The following FPGT variants were observed in gnomAD, a reference collection of about 807,000 sequenced individuals.
FPGT encodes the protein fucose-1-phosphate guanylyltransferase, also known as GDP-L-fucose diphosphorylase.
In FPGT, 41 loss-of-function variants were observed where a neutral mutation model predicts 45.8. The ratio of observed to expected loss-of-function variants is 0.90; its 90% confidence interval spans 0.70 to 1.16. The LOEUF (loss-of-function observed/expected upper bound fraction) is 1.16. Ranked by LOEUF, FPGT falls within the 50% of genes most tolerant of loss-of-function variation. FPGT has a pLI of 0.00. For synonymous variants in FPGT, 292 were observed against 247.2 expected (o/e 1.18, Z -1.70); for missense variants, 755 against 689.1 (o/e 1.10, Z -1.07).
At chr1:74,201,466 T>C (rs1342760325) in intron 3 of FPGT, 56 bp downstream of exon 3, 1 of 1,141,382 alleles carries the variant, frequency 8.8e-7, no homozygotes, top group East Asian at 2.5e-5. Context: ...CCTTTAATAC[T>C]TTAGAGACTT....
chr1:74,203,423 CTG>C (rs1316718815), intron 3 of FPGT, among the ~76,000 whole-genome samples: 1 of 150,416 alleles, frequency 6.6e-6, no homozygotes, highest in Non-Finnish European at 1.5e-5. Context: ...GAGTCTGGCT[CTG>C]TCGCCCAGGC....
At chr1:74,202,500 A>C (rs1651887027) in intron 3 of FPGT, among the ~76,000 whole-genome samples, 1 of 152,194 alleles carries the variant, frequency 6.6e-6, no homozygotes, top group Non-Finnish European at 1.5e-5. Context: ...ATGCATAGTT[A>C]GATAATTTTT....
rs199556922 is a variant in FPGT, at chr1:74,199,837, C to G, written c.250+6C>G. 5 of 1,612,352 alleles carry G rather than the reference C, an allele frequency of 3.1e-6. No individual in the cohort carries two copies. Among genetic ancestry groups the G allele is most frequent in the African/African-American group, 2.7e-5 (2 of 74,686 alleles). ...TCCTGCTGGAGCCAAAATTGGTACG[C>G]GCTTTATGGTCAGTTTTATAATATA... On this transcript the variant is annotated splice_donor_region_variant and intron_variant, in intron 2 of 3. Coordinates refer to ENST00000370898, the MANE Select transcript of FPGT (RefSeq NM_003838.5).
chr1:74,200,482 GTACTGTTA>G (rs948302084), intron 2 of FPGT, among the ~76,000 whole-genome samples: 1 of 147,488 alleles, frequency 6.8e-6, no homozygotes, highest in Non-Finnish European at 1.5e-5. Flanking sequence ...TATGAGGTCA[GTACTGTTA>G]TTATTTCTTT....
Position 74,204,701 on chromosome 1 carries a change from C to A in FPGT, c.654C>A (p.Asp218Glu). 6.2e-7 allele frequency: 1 copy of A among 1,613,588 alleles called. No homozygotes were observed. Among genetic ancestry groups the A allele is most frequent in the Non-Finnish European group, 8.5e-7 (1 of 1,179,580 alleles). Residue 218 changes from aspartate to glutamate, a missense_variant, in exon 4 of 4, where the codon GAC becomes GAA. Coordinates refer to ENST00000370898, the MANE Select transcript of FPGT (RefSeq NM_003838.5). The part of the protein sequence containing the change: ...LDPFDDLKHR[D>E]LEYRSCHRFL... ...CTTTTGATGATTTAAAACATAGAGA[C>A]CTTGAATACAGGTCTTGCCATCGTT...
intron 3 of FPGT, among the ~76,000 whole-genome samples, chr1:74,204,009 A>C (rs934805020): frequency 6.6e-6 from 1 of 150,702 alleles, no homozygotes; most frequent in Non-Finnish European, 1.5e-5. Flanking sequence ...ACGTCACTGC[A>C]CTCCAGCCTG....
intron 2 of FPGT, among the ~76,000 whole-genome samples, chr1:74,200,451 CATT>C (rs1358084419): frequency 6.7e-6 from 1 of 149,656 alleles, no homozygotes; most frequent in African/African-American, 2.5e-5. Flanking sequence ...AATTAGCCAA[CATT>C]ATTTTAATCC....
chr1:74,202,213 T>C (rs1651861938), intron 3 of FPGT, among the ~76,000 whole-genome samples: 1 of 152,218 alleles, frequency 6.6e-6, no homozygotes, highest in Non-Finnish European at 1.5e-5. Flanking sequence ...ACCTTTGTTG[T>C]TTTTCTATGT....
In FPGT at chr1:74,199,628, A is replaced by G. The variant is rs757769988; in HGVS notation, c.83-36A>G. 3 of 1,595,396 alleles carry G rather than the reference A, an allele frequency of 1.9e-6. No individual in the cohort carries two copies. In the East Asian group the frequency reaches 6.7e-5, roughly 36 times the overall value. ...CCTGTGGCAACTAGAAAATTCTGATAATTTTTGTTTTCATTTCCTTGCTTT... is the reference window on the plus strand; with the variant it reads ...CCTGTGGCAACTAGAAAATTCTGATGATTTTTGTTTTCATTTCCTTGCTTT... On this transcript the variant is annotated intron_variant, in intron 1 of 3. Coordinates refer to ENST00000370898, the MANE Select transcript of FPGT (RefSeq NM_003838.5).
In FPGT at chr1:74,204,712, G is replaced by A. The variant is rs1448873691; in HGVS notation, c.665G>A (p.Arg222Lys). Reference protein sequence around the residue: ...DDLKHRDLEYRSCHRFLHKPS... With the variant: ...DDLKHRDLEYKSCHRFLHKPS... The stretch of plus-strand genomic sequence containing the variant: ...TTAAAACATAGAGACCTTGAATACA[G>A]GTCTTGCCATCGTTTCCTTCATAAG... The change falls in exon 4 of 4, where the codon AGG becomes AAG. Residue 222 changes from arginine (R) to lysine (K), a missense_variant. Coordinates refer to ENST00000370898, the MANE Select transcript of FPGT (RefSeq NM_003838.5). 1 of 1,613,714 alleles carries A rather than the reference G, an allele frequency of 6.2e-7. No individual in the cohort carries two copies. The highest frequency in any genetic ancestry group is 1.3e-5 in the African/African-American group (1 of 74,890).
chr1:74,205,374 A>G lies in FPGT; in HGVS notation c.1327A>G (p.Thr443Ala), dbSNP rs546145336. ...NCIISGSYIL[T>A]KAALPAHSFV... ...CATTATTAGTGGTTCTTACATCCTA[A>G]CAAAAGCTGCCCTCCCCGCACATTC... Residue 443 changes from threonine (T) to alanine (A), a missense_variant, in exon 4 of 4, where the codon ACA becomes GCA. Coordinates refer to ENST00000370898, the MANE Select transcript of FPGT (RefSeq NM_003838.5). 7.4e-6 allele frequency: 12 copies of G among 1,614,142 alleles called. No individual in the cohort carries two copies. The African/African-American group carries it at 1.2e-4, about 16-fold the overall frequency.
At chr1:74,199,893 G>C (rs1381658574) in intron 2 of FPGT, 62 bp downstream of exon 2, 5 of 1,552,034 alleles carry the variant, frequency 3.2e-6, no homozygotes, top group Non-Finnish European at 4.4e-6. Flanking sequence ...TTGAAGAAAA[G>C]GTTTCTGTGA....
At position 74,204,695 on chromosome 1, in the gene FPGT, T is replaced by A. The variant is rs1557672646; in HGVS notation, c.648T>A (p.His216Gln). 1 of 1,612,994 alleles carries A rather than the reference T, an allele frequency of 6.2e-7. No individual in the cohort carries two copies. Among genetic ancestry groups the A allele is most frequent in the East Asian group, 2.2e-5 (1 of 44,868 alleles). ...TAGATCCTTTTGATGATTTAAAACA[T>A]AGAGACCTTGAATACAGGTCTTGCC... ...FVLDPFDDLK[H>Q]RDLEYRSCHR... The change falls in exon 4 of 4, where the codon CAT becomes CAA. Residue 216 changes from histidine (H) to glutamine (Q), a missense_variant. Transcript: ENST00000370898.
chr1:74,199,597 G>A, intron 1 of FPGT, 67 bp from the exon 2 acceptor site: 3 of 1,542,736 alleles, frequency 1.9e-6, no homozygotes, highest in East Asian at 4.5e-5. Flanking sequence ...TTTCTCAATA[G>A]GCAAACCTGT....
intron 3 of FPGT, among the ~76,000 whole-genome samples, chr1:74,203,278 T>C (rs184773398): frequency 3.2e-4 from 48 of 152,336 alleles, no homozygotes; most frequent in African/African-American, 1.1e-3. Flanking sequence ...CATTATGATC[T>C]TATGGGACAA....
chr1:74,203,699 A>G (rs1039538665), intron 3 of FPGT, among the ~76,000 whole-genome samples: 2 of 151,838 alleles, frequency 1.3e-5, no homozygotes, highest in Non-Finnish European at 2.9e-5. Context: ...CCTTCTGTGA[A>G]GTAGATTCTT....
intron 3 of FPGT, 120 bp from the exon 4 acceptor site, chr1:74,204,271 A>T: frequency 1.7e-6 from 1 of 573,582 alleles, no homozygotes; most frequent in Non-Finnish European, 2.9e-6. Flanking sequence ...CAAGTGGCAT[A>T]TATTAAATAT....
At chr1:74,202,298 C>T (rs997743290) in intron 3 of FPGT, among the ~76,000 whole-genome samples, 6 of 152,182 alleles carry the variant, frequency 3.9e-5, no homozygotes, top group Admixed American at 3.3e-4. Context: ...TATTCATCTA[C>T]ATGGCTTCCA....
In FPGT at chr1:74,204,705, G is replaced by C. The variant is rs774134052; in HGVS notation, c.658G>C (p.Glu220Gln). ...PFDDLKHRDL[E>Q]YRSCHRFLHK... ...TGATGATTTAAAACATAGAGACCTTGAATACAGGTCTTGCCATCGTTTCCT... is the reference window on the plus strand; with the variant it reads ...TGATGATTTAAAACATAGAGACCTTCAATACAGGTCTTGCCATCGTTTCCT... The change falls in exon 4 of 4, where the codon GAA becomes CAA. Residue 220 changes from glutamate to glutamine, a missense_variant. Transcript: ENST00000370898. 5.0e-5 allele frequency: 80 copies of C among 1,612,486 alleles called. No homozygotes were observed. The South Asian group carries it at 8.6e-4, about 17-fold the overall frequency.
Sources: allele counts gnomAD v4.1 joint callset (sites outside exome capture counted in the v4.1 genomes callset), GRCh38; gene constraint gnomAD v4.1.1; transcripts MANE v1.5; gene names NCBI Gene and HGNC (gene_info 2026-07-23, HGNC 2026-07-21).